Variants in VPS50 observed in about 807,000 individuals in gnomAD.
The protein encoded by VPS50 is VPS50 subunit of EARP/GARPII complex.
VPS50 carries 70 observed loss-of-function variants against 139.7 expected under a neutral mutation model. That is an observed-to-expected ratio of 0.50 (90% CI 0.41 to 0.61). The LOEUF is 0.61. Among genes scored for constraint, VPS50 ranks in the 20% least tolerant of loss-of-function variants. The pLI is 0.00. For synonymous variants in VPS50, 365 were observed against 376.7 expected, an observed-to-expected ratio of 0.97 and a Z score of 0.36; for missense variants, 921 against 1,133.7, an observed-to-expected ratio of 0.81 and a Z score of 2.69.
Position 93,253,834 on chromosome 7 carries a change from C to T in VPS50, c.226-26C>T, listed in dbSNP as rs1795407341. The stretch of plus-strand genomic sequence containing the variant: ...CAAATTAAACAATTTATTTTTTCCT[C>T]TTCTTTCATGAATTTTTTTCTGTAG... On this transcript the variant is annotated intron_variant, in intron 3 of 27. Coordinates refer to ENST00000305866, the MANE Select transcript of VPS50 (RefSeq NM_017667.4). 9 of 1,370,686 alleles carry T rather than the reference C, an allele frequency of 6.6e-6. No individual in the cohort carries two copies. In the East Asian group the frequency reaches 2.1e-4, roughly 31 times the overall value. The allele number at this position is 1,370,686 out of a possible 1,614,324, so 84.9% of individuals were successfully genotyped here. A position where few individuals can be genotyped will look rare whatever the true frequency, so the allele number is the denominator to read the frequency against.
At position 93,326,661 on chromosome 7, in the gene VPS50, A is replaced by T. The variant is rs1023587953; in HGVS notation, c.1977+2929A>T. Among the ~76,000 whole-genome samples the T allele has an allele frequency of 9.2e-5, 14 of 152,060 alleles. No homozygotes were observed. In the South Asian group the frequency reaches 2.9e-3, roughly 32 times the overall value. On this transcript the variant is annotated intron_variant, in intron 21 of 27. Transcript: ENST00000305866. Reference sequence around the variant, plus strand: ...TTCTGCTACTCACAGAAAATAACACAATATTAGGCAGGTAACTAATTTGAT... The same window carrying T: ...TTCTGCTACTCACAGAAAATAACACTATATTAGGCAGGTAACTAATTTGAT...
chr7:93,280,673 T>A (rs1299171323), intron 12 of VPS50, among the ~76,000 whole-genome samples: 1 of 152,118 alleles, frequency 6.6e-6, no homozygotes, highest in African/African-American at 2.4e-5. Context: ...ATAACATTAC[T>A]TTGGCAGGCT....
chr7:93,267,697 T>C (rs1015583946), intron 9 of VPS50, among the ~76,000 whole-genome samples: 10 of 152,056 alleles, frequency 6.6e-5, no homozygotes, highest in African/African-American at 2.4e-4. Flanking sequence ...GAATATGGTA[T>C]TCGAATTAAG....
rs1347332609 is a variant in VPS50, at chr7:93,258,252, A to C, written c.516A>C (p.Lys172Asn). ...GTCAGTTGCTGATTGGACTTCTGAA[A>C]TCTCTGAGAACTATAAAAACATTGG... Reference protein sequence around the residue: ...RKRQLLIGLLKSLRTIKTLQR... With the variant: ...RKRQLLIGLLNSLRTIKTLQR... Residue 172 changes from lysine (K) to asparagine (N), a missense_variant, in exon 7 of 28, where the codon AAA becomes AAC. Around this residue, in one of 3 missense-constraint regions of VPS50, gnomAD observed 744 missense variants for 930.6 expected, o/e 0.80. Transcript: ENST00000305866. 6.3e-7 allele frequency: 1 copy of C among 1,593,228 alleles called. No individual in the cohort carries two copies. The highest frequency in any genetic ancestry group is 8.6e-7 in the Non-Finnish European group (1 of 1,161,180).
chr7:93,244,981 C>T lies in VPS50; in HGVS notation c.102+5047C>T, dbSNP rs117487813. 5.6e-3 allele frequency among the ~76,000 whole-genome samples: 847 copies of T among 151,916 alleles called. 3 individuals are homozygous for T. The highest frequency in any genetic ancestry group is 8.7e-3 in the Non-Finnish European group (593 of 67,816). ...AAGTTCATTCATACAGTCCATTTGGCAAACACTTATGGAACCAGGCAGTTA... is the reference window on the plus strand; with the variant it reads ...AAGTTCATTCATACAGTCCATTTGGTAAACACTTATGGAACCAGGCAGTTA... On this transcript the variant is annotated intron_variant, in intron 2 of 27. Transcript: ENST00000305866.
intron 4 of VPS50, among the ~76,000 whole-genome samples, chr7:93,256,156 T>A (rs2116832193): frequency 6.6e-6 from 1 of 152,320 alleles, no homozygotes; most frequent in East Asian, 1.9e-4. Context: ...TGATTAAAAA[T>A]CTGCTTAACA....
At chr7:93,266,323 T>C (rs1584405838) in intron 9 of VPS50, among the ~76,000 whole-genome samples, 2 of 152,314 alleles carry the variant, frequency 1.3e-5, no homozygotes. Flanking sequence ...CACCTTTATG[T>C]AGGAAACTGA....
At chr7:93,251,522 TG>T (rs1795333424) in intron 2 of VPS50, among the ~76,000 whole-genome samples, 1 of 41,440 alleles carries the variant, frequency 2.4e-5, no homozygotes, top group East Asian at 8.1e-4. Flanking sequence ...TATTGGGGGG[TG>T]GGGGGCTAGG....
intron 23 of VPS50, among the ~76,000 whole-genome samples, chr7:93,343,982 T>A (rs1188711524): frequency 6.6e-6 from 1 of 152,084 alleles, no homozygotes; most frequent in East Asian, 1.9e-4. Context: ...CATAACCATA[T>A]TAACTTTAAA....
intron 26 of VPS50, 140 bp from the exon 27 acceptor site, chr7:93,355,751 C>G: frequency 2.1e-6 from 1 of 484,712 alleles, no homozygotes. Context: ...TGACTCAAGG[C>G]TTATGTTCTC....
At chr7:93,252,889 T>G (rs1002975155) in intron 3 of VPS50, 114 bp downstream of exon 3, 7 of 700,846 alleles carry the variant, frequency 1.0e-5, no homozygotes, top group Non-Finnish European at 1.7e-5. Context: ...AGAATAGGTC[T>G]GTGATTACCA....
chr7:93,239,884 G>C lies in VPS50; in HGVS notation c.52G>C (p.Glu18Gln), dbSNP rs1261998040. The part of the protein sequence containing the change: ...MTRQGLKSPQ[E>Q]SLSDLGAIES... ...TTTTAAGGGTCTGAAAAGCCCTCAAGAAAGCCTCAGTGATCTTGGTGCCAT... is the reference window on the plus strand; with the variant it reads ...TTTTAAGGGTCTGAAAAGCCCTCAACAAAGCCTCAGTGATCTTGGTGCCAT... The change falls in exon 2 of 28, where the codon GAA becomes CAA. Residue 18 changes from glutamate to glutamine, a missense_variant. By Grantham distance (29) the Glu-to-Gln change is conservative. Around this residue, in one of 3 missense-constraint regions of VPS50, gnomAD observed 744 missense variants for 930.6 expected, o/e 0.80. Transcript: ENST00000305866. 1 of 1,604,288 alleles carries C rather than the reference G, an allele frequency of 6.2e-7. No homozygotes were observed. Among genetic ancestry groups the C allele is most frequent in the South Asian group, 1.1e-5 (1 of 90,884 alleles).
chr7:93,260,855 G>C (rs552168143), intron 9 of VPS50, among the ~76,000 whole-genome samples: 1 of 151,902 alleles, frequency 6.6e-6, no homozygotes, highest in African/African-American at 2.4e-5. Context: ...GCCACCATGC[G>C]CGGCTAATTT....
At chr7:93,269,484 A>G (rs905588344) in intron 9 of VPS50, among the ~76,000 whole-genome samples, 1 of 152,126 alleles carries the variant, frequency 6.6e-6, no homozygotes, top group East Asian at 1.9e-4. Flanking sequence ...AGTTCAAAGT[A>G]TGCTTATGAT....
At chr7:93,308,790 A>G (rs753808438) in intron 18 of VPS50, 34 bp from the exon 19 acceptor site, 4 of 1,209,630 alleles carry the variant, frequency 3.3e-6, no homozygotes, top group Non-Finnish European at 3.7e-6. Context: ...GAGGCCCTTT[A>G]TACTCATTTT....
At chr7:93,351,482 G>GTTAT (rs1798556681) in intron 25 of VPS50, among the ~76,000 whole-genome samples, 1 of 152,086 alleles carries the variant, frequency 6.6e-6, no homozygotes, top group Admixed American at 6.6e-5. Context: ...AAGCAGAGCA[G>GTTAT]TTATTTCTCA....
chr7:93,232,776 C>A (rs1562840865), intron 1 of VPS50, among the ~76,000 whole-genome samples: 1 of 152,098 alleles, frequency 6.6e-6, no homozygotes. Context: ...CTCTTTTTGC[C>A]GTCTTTCCAG....
intron 1 of VPS50, among the ~76,000 whole-genome samples, chr7:93,234,660 T>A (rs1024288686): frequency 6.6e-6 from 1 of 152,228 alleles, no homozygotes; most frequent in Non-Finnish European, 1.5e-5. Flanking sequence ...TAAGTATACA[T>A]GAAAGTATTT....
Position 93,334,201 on chromosome 7 carries a change from A to G in VPS50, c.2058+4A>G. The G allele has an allele frequency of 6.9e-7, 1 of 1,442,692 alleles. No individual in the cohort carries two copies. Among genetic ancestry groups the G allele is most frequent in the Non-Finnish European group, 9.6e-7 (1 of 1,037,824 alleles). The allele number at this position is 1,442,692 out of a possible 1,614,324, so 89.4% of individuals were successfully genotyped here. ...ACAAGAAAGCCTTATTGATCTAGTA[A>G]GTAACGAATTGGAATAAATTCTTTT... On this transcript the variant is annotated splice_donor_region_variant and intron_variant, in intron 22 of 27. Transcript: ENST00000305866.
Sources: gnomAD v4.1 joint callset for allele counts (sites outside exome capture counted in the v4.1 genomes callset) on GRCh38, gnomAD v4.1.1 for gene constraint, gnomAD v4.1.1 regional missense constraint, MANE v1.5 for transcripts, NCBI Gene and HGNC (gene_info 2026-07-23, HGNC 2026-07-21) for gene names.